CCDC149: variants seen among roughly 807,000 people sequenced by gnomAD.
CCDC149 encodes the protein coiled-coil domain-containing protein 149.
In CCDC149, 45 loss-of-function variants were observed where a neutral mutation model predicts 59.9. The ratio of observed to expected loss-of-function variants is 0.75; its 90% CI spans 0.59 to 0.96. The LOEUF is 0.96. Among genes scored for constraint, CCDC149 ranks in the 40% least tolerant of loss-of-function variants. The pLI is 0.00. For missense variants in CCDC149, 584 were observed against 664.7 expected (o/e 0.88, Z 1.33); for synonymous variants, 245 against 260.6 (o/e 0.94, Z 0.58).
intron 1 of CCDC149, among the ~76,000 whole-genome samples, chr4:24,905,410 CGTGCGTGTGTGTGTGTGTGTGTGT>C (rs1202247922): frequency 3.2e-5 from 3 of 93,732 alleles, no homozygotes; most frequent in Non-Finnish European, 5.2e-5. Flanking sequence ...TTTTTGCGTG[CGTGCGTGTGTGTGTGTGTGTGTGT>C]GTGTGTGTGT....
chr4:24,917,614 C>G (rs981139144), upstream of CCDC149, among the ~76,000 whole-genome samples: 2 of 151,794 alleles, frequency 1.3e-5, no homozygotes, highest in Non-Finnish European at 2.9e-5. Flanking sequence ...GGAGGAGAGG[C>G]CTAAAGATAA....
intron 1 of CCDC149, among the ~76,000 whole-genome samples, chr4:24,901,962 C>G (rs1281291571): frequency 6.6e-6 from 1 of 152,176 alleles, no homozygotes; most frequent in African/African-American, 2.4e-5. Flanking sequence ...ATTCAAACAT[C>G]CAAGCATTCA....
At chr4:24,931,327 A>ATATATATATATATATATATATATATATC in intron 1 of CCDC149, among the ~76,000 whole-genome samples, 1 of 147,308 alleles carries the variant, frequency 6.8e-6, no homozygotes, top group African/African-American at 2.5e-5. Flanking sequence ...ATATATATAT[A>ATATATATATATATATATATATATATATC]TATATCTCAG....
At chr4:24,822,596 C>T (rs1052754768) in intron 9 of CCDC149, 23 bp from the exon 10 acceptor site, 2 of 1,501,602 alleles carry the variant, frequency 1.3e-6, no homozygotes, top group African/African-American at 2.8e-5. Flanking sequence ...GAGAAAATGA[C>T]AATCAATTAC....
At chr4:24,850,450 G>A (rs202213674) in intron 4 of CCDC149, among the ~76,000 whole-genome samples, 2 of 141,586 alleles carry the variant, frequency 1.4e-5, no homozygotes, top group East Asian at 4.1e-4. Flanking sequence ...GAGGAGCAGA[G>A]CTTGCAGGGG....
intron 1 of CCDC149, among the ~76,000 whole-genome samples, chr4:24,921,996 C>G (rs185151166): frequency 2.3e-4 from 35 of 152,240 alleles, no homozygotes; most frequent in Middle Eastern, 3.4e-3. Flanking sequence ...CAGGGTTGGT[C>G]CCTTCCAAGG....
At chr4:24,875,896 C>G (rs1719385228) in intron 2 of CCDC149, among the ~76,000 whole-genome samples, 1 of 152,128 alleles carries the variant, frequency 6.6e-6, no homozygotes, top group Non-Finnish European at 1.5e-5. Flanking sequence ...TAGTCCCCAC[C>G]TGTCCTCAGT....
chr4:24,920,324 G>A (rs1722248526), intron 1 of CCDC149, among the ~76,000 whole-genome samples: 1 of 152,208 alleles, frequency 6.6e-6, no homozygotes, highest in Non-Finnish European at 1.5e-5. Context: ...CTGGCCATTG[G>A]CTGGGAGCTT....
rs748943816 is a variant in CCDC149 at position 24,838,217 on chromosome 4, C to T, written c.428G>A (p.Arg143Gln). 2.8e-5 allele frequency: 45 copies of T among 1,614,044 alleles called. No individual in the cohort carries two copies. The highest frequency in any genetic ancestry group is 1.6e-4 in the Middle Eastern group (1 of 6,080). ...TTCACGCTCATGGGCTGCAAAGTGT[C>T]GCACGCCGATTGCTTCGTCTCCGAG... is the stretch of plus-strand genomic sequence containing the variant. Residue 143 changes from arginine (R) to glutamine (Q), a missense_variant, in exon 5 of 13, where the codon CGA becomes CAA. Arg to Gln is a conservative substitution (Grantham distance 43, BLOSUM62 1). Coordinates refer to ENST00000635206, the MANE Select transcript of CCDC149 (RefSeq NM_001330643.2).
At chr4:24,809,810 A>T (rs1338490845) in intron 12 of CCDC149, among the ~76,000 whole-genome samples, 2 of 152,204 alleles carry the variant, frequency 1.3e-5, no homozygotes, top group Admixed American at 1.3e-4. Flanking sequence ...ACCCTGCTGT[A>T]GTGGGGCTTG....
intron 1 of CCDC149, among the ~76,000 whole-genome samples, chr4:24,957,226 C>G (rs369518915): frequency 6.6e-6 from 1 of 152,332 alleles, no homozygotes; most frequent in African/African-American, 2.4e-5. Context: ...CAAAATCAGG[C>G]ACATCCAGGG....
At chr4:24,888,509 G>GGT (rs1213087329) in intron 1 of CCDC149, among the ~76,000 whole-genome samples, 4 of 152,002 alleles carry the variant, frequency 2.6e-5, no homozygotes, top group Non-Finnish European at 5.9e-5. Flanking sequence ...CCATCACAGG[G>GGT]GTATACACTC....
chr4:24,937,055 C>A (rs1722804405), intron 1 of CCDC149, among the ~76,000 whole-genome samples: 1 of 152,188 alleles, frequency 6.6e-6, no homozygotes, highest in African/African-American at 2.4e-5. Flanking sequence ...TTTTACATCC[C>A]ATCATTGGTG....
chr4:24,820,641 T>C (rs1309999487), intron 11 of CCDC149, among the ~76,000 whole-genome samples: 2 of 152,352 alleles, frequency 1.3e-5, no homozygotes, highest in South Asian at 2.1e-4. Context: ...TGATTTATAC[T>C]AGAAGAGGCT....
chr4:24,844,936 C>T (rs993822369), intron 4 of CCDC149, among the ~76,000 whole-genome samples: 2 of 152,170 alleles, frequency 1.3e-5, no homozygotes, highest in African/African-American at 4.8e-5. Context: ...GCACCCTTGG[C>T]AGGTATTGTT....
intron 12 of CCDC149, among the ~76,000 whole-genome samples, chr4:24,809,742 C>G (rs1016700769): frequency 6.6e-6 from 1 of 152,190 alleles, no homozygotes. Context: ...TGTCCTGGAC[C>G]AGGAATGAGG....
downstream of CCDC149, among the ~76,000 whole-genome samples, chr4:24,804,761 A>C (rs189082879): frequency 2.9e-4 from 44 of 152,312 alleles, no homozygotes; most frequent in African/African-American, 1.0e-3. Context: ...AATTTACTCC[A>C]ACATGTGAAT....
At chr4:24,951,130 G>T (rs1400777102) in intron 1 of CCDC149, among the ~76,000 whole-genome samples, 1 of 152,154 alleles carries the variant, frequency 6.6e-6, no homozygotes, top group Non-Finnish European at 1.5e-5. Context: ...GGGTTCCGTG[G>T]GTGCCCAGGC....
At chr4:24,850,729 C>A (rs556168598) in intron 4 of CCDC149, among the ~76,000 whole-genome samples, 17 of 151,624 alleles carry the variant, frequency 1.1e-4, no homozygotes, top group African/African-American at 3.4e-4. Context: ...ATAATTAATT[C>A]AAAAAAAATT....
Sources: allele counts gnomAD v4.1 joint callset (sites outside exome capture counted in the v4.1 genomes callset), GRCh38; gene constraint gnomAD v4.1.1; transcripts MANE v1.5; gene names NCBI Gene and HGNC (gene_info 2026-07-23, HGNC 2026-07-21).